ASAP3: variants seen among roughly 807,000 people sequenced by gnomAD.
The protein encoded by ASAP3 is arf-GAP with SH3 domain, ANK repeat and PH domain-containing protein 3.
A neutral mutation model predicts 118.2 loss-of-function variants in ASAP3; 85 were observed. The observed-to-expected ratio is 0.72, with a 90% confidence interval of 0.60 to 0.86. ASAP3 has a LOEUF of 0.86. Among genes scored for constraint, ASAP3 ranks in the 40% least tolerant of loss-of-function variants. The probability of loss-of-function intolerance (pLI) is 0.00; values close to 1 mark genes in which losing one functional copy is unlikely to be tolerated. For synonymous variants in ASAP3, 432 were observed against 477.4 expected (o/e 0.90, Z 1.24); for missense variants, 1,026 against 1,175.0 (o/e 0.87, Z 1.85).
At chr1:23,462,560 C>T (rs918995556) in intron 1 of ASAP3, among the ~76,000 whole-genome samples, 1 of 151,660 alleles carries the variant, frequency 6.6e-6, no homozygotes, top group Non-Finnish European at 1.5e-5. Flanking sequence ...ATCACGAAGT[C>T]AAGATCGAGA....
In ASAP3 at chr1:23,442,587, G is replaced by A. The variant is rs867093977; in HGVS notation, c.499C>T (p.Arg167Trp). Residue 167 changes from arginine to tryptophan, a missense_variant, in exon 6 of 25, where the codon CGG becomes TGG. Physicochemically the swap from Arg to Trp is moderately radical, Grantham distance 101 (BLOSUM62 -3). Transcript: ENST00000336689. Reference sequence around the variant, plus strand: ...GGGATCCCTCCTGTCACCCTGGCCCGATCGCGCTCCTTCTCCAGCTTGGCC... The same window carrying A: ...GGGATCCCTCCTGTCACCCTGGCCCAATCGCGCTCCTTCTCCAGCTTGGCC... ...KMAKLEKERD[R>W]ARVTGGIPGE... The A allele has an allele frequency of 1.6e-5, 26 of 1,614,026 alleles. No individual in the cohort carries two copies. Among genetic ancestry groups the A allele is most frequent in the Admixed American group, 1.3e-4 (8 of 60,014 alleles).
At position 23,475,557 on chromosome 1, in the gene ASAP3, G is replaced by A. The variant is rs570687583; in HGVS notation, c.129+8448C>T. Among the ~76,000 whole-genome samples the A allele has an allele frequency of 5.3e-5, 8 of 152,270 alleles. No homozygotes were observed. In the East Asian group the frequency reaches 5.8e-4, roughly 11 times the overall value. ...ACACAGATGCAGGTTTGAAACCCAC[G>A]GTCTCGATGCTAACAGCTCTCAAAT... On this transcript the variant is annotated intron_variant, in intron 1 of 24. Transcript: ENST00000336689.
Position 23,438,457 on chromosome 1 carries a change from A to G in ASAP3, c.1102+290T>C, listed in dbSNP as rs566416666. On this transcript the variant is annotated intron_variant, in intron 12 of 24. Transcript: ENST00000336689. The surrounding 1 kb of genome is among the most constrained non-coding windows in gnomAD (Gnocchi z 4.9). Reference sequence around the variant, plus strand: ...CTTCAAGTCTGGGTATTTGGGAAAAAAAGGTAAAATTTTAAAAAAAGAAAT... The same window carrying G: ...CTTCAAGTCTGGGTATTTGGGAAAAGAAGGTAAAATTTTAAAAAAAGAAAT... Among the ~76,000 whole-genome samples the G allele has an allele frequency of 9.2e-5, 14 of 152,362 alleles. No individual in the cohort carries two copies. The highest frequency in any genetic ancestry group is 3.9e-4 in the Admixed American group (6 of 15,302).
rs149750772 is a variant in ASAP3 at position 23,436,992 on chromosome 1, C to G, written c.1395G>C (p.Ser465=). 5 of 1,612,152 alleles carry G rather than the reference C, an allele frequency of 3.1e-6. No individual in the cohort carries two copies. The highest frequency in any genetic ancestry group is 4.2e-6 in the Non-Finnish European group (5 of 1,179,642). The change falls in exon 15 of 25, where the codon TCG becomes TCC. Residue 465 remains serine, a synonymous_variant. Coordinates refer to ENST00000336689, the MANE Select transcript of ASAP3 (RefSeq NM_017707.4). This position sits in a 1 kb window ranked among gnomAD's most constrained non-coding sequence, Gnocchi z 4.2. ...GCACGCCCAGTTCGCGGTGGACGCC[C>G]GAGCACTGGATGCAGGTGAGCACGC... ...NLGVLTCIQC[S]GVHRELGVRF...
At chr1:23,461,923 T>G (rs76531708) in intron 1 of ASAP3, among the ~76,000 whole-genome samples, 1 of 152,218 alleles carries the variant, frequency 6.6e-6, no homozygotes. Context: ...AATCTCTTAT[T>G]TGAGCCACTG....
intron 4 of ASAP3, 44 bp downstream of exon 4, chr1:23,452,653 C>T (rs751825670): frequency 6.3e-7 from 1 of 1,597,124 alleles, no homozygotes; most frequent in Non-Finnish European, 8.6e-7. Context: ...CTGCCCACCC[C>T]TCTTTTACTC....
intron 5 of ASAP3, among the ~76,000 whole-genome samples, chr1:23,449,534 G>C (rs1462569149): frequency 6.6e-6 from 1 of 152,162 alleles, no homozygotes; most frequent in East Asian, 1.9e-4. Flanking sequence ...TGTTTGGTAG[G>C]AATGTGGTGA....
chr1:23,459,348 T>C (rs991892077), intron 1 of ASAP3, among the ~76,000 whole-genome samples: 1 of 152,106 alleles, frequency 6.6e-6, no homozygotes, highest in African/African-American at 2.4e-5. Flanking sequence ...ATGCTCTAGA[T>C]ACATTCTGAG....
chr1:23,436,246 T>G lies in ASAP3; in HGVS notation c.1572-218A>C, dbSNP rs891810746. Among the ~76,000 whole-genome samples the G allele has an allele frequency of 6.6e-6, 1 of 152,150 alleles. No homozygotes were observed. Among genetic ancestry groups the G allele is most frequent in the African/African-American group, 2.4e-5 (1 of 41,426 alleles). ...GGCGCAATCTCGTTTCACTACAACC[T>G]CTGCTTCCAGGGTTCAAGCAATTCT... On this transcript the variant is annotated intron_variant, in intron 16 of 24. Transcript: ENST00000336689. The surrounding 1 kb of genome is among the most constrained non-coding windows in gnomAD (Gnocchi z 4.2).
chr1:23,451,771 C>T (rs2148630735), intron 4 of ASAP3, among the ~76,000 whole-genome samples: 1 of 152,252 alleles, frequency 6.6e-6, no homozygotes, highest in African/African-American at 2.4e-5. Context: ...CCAGAGATGC[C>T]AAGAATCAGT....
At chr1:23,468,538 T>C (rs899241523) in intron 1 of ASAP3, among the ~76,000 whole-genome samples, 5 of 152,076 alleles carry the variant, frequency 3.3e-5, no homozygotes, top group Admixed American at 1.3e-4. Context: ...TCCACAAAGA[T>C]GATTAAATTA....
Position 23,452,755 on chromosome 1 carries a change from T to C in ASAP3, c.365A>G (p.Asn122Ser), listed in dbSNP as rs1020860248. The change falls in exon 4 of 25, where the codon AAC becomes AGC. Residue 122 changes from asparagine to serine, a missense_variant. Asn to Ser is a conservative substitution (Grantham distance 46). Coordinates refer to ENST00000336689, the MANE Select transcript of ASAP3 (RefSeq NM_017707.4). Reference sequence around the variant, plus strand: ...ACTGTCCAGGGGGAAAGAGACAATGTTGTTCAAGTTCTGAATCTGGAAAAA... The same window carrying C: ...ACTGTCCAGGGGGAAAGAGACAATGCTGTTCAAGTTCTGAATCTGGAAAAA... ...LFKNLIQNLN[N>S]IVSFPLDSLM... The C allele has an allele frequency of 1.9e-6, 3 of 1,613,760 alleles. No homozygotes were observed. In the African/African-American group the frequency reaches 4.0e-5, roughly 22 times the overall value.
intron 19 of ASAP3, 83 bp downstream of exon 19, chr1:23,434,171 G>C: frequency 7.2e-7 from 1 of 1,388,306 alleles, no homozygotes; most frequent in Non-Finnish European, 1.0e-6. Flanking sequence ...AAGCAAGCCA[G>C]GATTAGAGCC....
Position 23,440,805 on chromosome 1 carries a change from G to A in ASAP3, c.944+297C>T, listed in dbSNP as rs558929845. On this transcript the variant is annotated intron_variant, in intron 10 of 24. Coordinates refer to ENST00000336689, the MANE Select transcript of ASAP3 (RefSeq NM_017707.4). The stretch of plus-strand genomic sequence containing the variant: ...CGGAAGGCGGAGCTTACAGTGAGCC[G>A]AGATCATGGCACTGCACTCCAGCCT... Among the ~76,000 whole-genome samples, 11 of 147,992 alleles carry A rather than the reference G, an allele frequency of 7.4e-5. No homozygotes were observed. In the South Asian group the frequency reaches 1.1e-3, roughly 14 times the overall value.
At position 23,438,900 on chromosome 1, in the gene ASAP3, A is replaced by G; in HGVS notation, c.1015-66T>C. Reference sequence around the variant, plus strand: ...GGCCCTCCACATTCTTTAGGCCTCCATTTCCCACTCTGTTAAATGGGCATA... The same window carrying G: ...GGCCCTCCACATTCTTTAGGCCTCCGTTTCCCACTCTGTTAAATGGGCATA... On this transcript the variant is annotated intron_variant, in intron 11 of 24. Transcript: ENST00000336689. This position sits in a 1 kb window ranked among gnomAD's most constrained non-coding sequence, Gnocchi z 4.9. The G allele has an allele frequency of 1.3e-6, 2 of 1,495,456 alleles. No homozygotes were observed. Among genetic ancestry groups the G allele is most frequent in the Non-Finnish European group, 1.9e-6 (2 of 1,074,412 alleles). 92.6% of individuals were successfully genotyped at this position (1,495,456 alleles called of 1,614,324 possible).
At chr1:23,449,936 A>G (rs1357255408) in intron 5 of ASAP3, among the ~76,000 whole-genome samples, 1 of 152,248 alleles carries the variant, frequency 6.6e-6, no homozygotes, top group African/African-American at 2.4e-5. Flanking sequence ...TAACTCAGGA[A>G]GAAGAGGGCC....
At chr1:23,482,460 T>A (rs1418260020) in intron 1 of ASAP3, among the ~76,000 whole-genome samples, 1 of 152,008 alleles carries the variant, frequency 6.6e-6, no homozygotes, top group Non-Finnish European at 1.5e-5. Flanking sequence ...AGGCAGAGAT[T>A]GCAGTCAGCT....
Position 23,473,952 on chromosome 1 carries a change from C to T in ASAP3, c.129+10053G>A, listed in dbSNP as rs189424314. Among the ~76,000 whole-genome samples, 18 of 139,074 alleles carry T rather than the reference C, an allele frequency of 1.3e-4. 1 individual carries two copies. Among genetic ancestry groups the T allele is most frequent in the African/African-American group, 4.6e-4 (17 of 36,692 alleles). 91.2% of individuals were successfully genotyped at this position (139,074 alleles called of 152,430 possible). A position where few individuals can be genotyped will look rare whatever the true frequency, so the allele number is the denominator to read the frequency against. The stretch of plus-strand genomic sequence containing the variant: ...AAATCAGTCCAGGATGGTGTGGAGG[C>T]GAAAATGGCATTAAATCTGCTCTTT... On this transcript the variant is annotated intron_variant, in intron 1 of 24. Transcript: ENST00000336689.
chr1:23,433,839 T>G, intron 19 of ASAP3, 146 bp from the exon 20 acceptor site: 1 of 1,009,574 alleles, frequency 9.9e-7, no homozygotes, highest in Non-Finnish European at 1.4e-6. Context: ...GCAAGTTATA[T>G]AACCTTTTGG....
Sources: allele counts gnomAD v4.1 joint callset (sites outside exome capture counted in the v4.1 genomes callset), GRCh38; gene constraint gnomAD v4.1.1; non-coding constraint Gnocchi (gnomAD v3.1); transcripts MANE v1.5; gene names NCBI Gene and HGNC (gene_info 2026-07-23, HGNC 2026-07-21).